The following INSC variants were observed in gnomAD, a reference collection of about 807,000 sequenced individuals.
INSC encodes protein inscuteable homolog.
A neutral mutation model predicts 58.6 loss-of-function variants in INSC; 67 were observed. The ratio of observed to expected loss-of-function variants is 1.14; its 90% CI spans 0.94 to 1.40. The LOEUF is 1.40. Ranked by LOEUF, INSC falls within the 40% of genes most tolerant of loss-of-function variation. The probability of loss-of-function intolerance (pLI) is 0.00; values close to 1 mark genes in which losing one functional copy is unlikely to be tolerated. For synonymous variants in INSC, 262 were observed against 276.1 expected, an observed-to-expected ratio of 0.95 and a Z score of 0.51; for missense variants, 714 against 692.0, an observed-to-expected ratio of 1.03 and a Z score of -0.36.
At chr11:15,193,217 A>G (rs1436803620) in intron 6 of INSC, among the ~76,000 whole-genome samples, 2 of 152,250 alleles carry the variant, frequency 1.3e-5, no homozygotes, top group Non-Finnish European at 2.9e-5. Context: ...TCCAAATTCC[A>G]AATTATTTAG....
Position 15,235,697 on chromosome 11 carries a change from T to C in INSC, c.1237+29T>C, listed in dbSNP as rs189868599. 604 of 1,575,314 alleles carry C rather than the reference T, an allele frequency of 3.8e-4. 2 individuals are homozygous for C. The highest frequency in any genetic ancestry group is 1.4e-3 in the Admixed American group (86 of 60,000). The stretch of plus-strand genomic sequence containing the variant: ...TGTCTTTGCAGCATTGTACATGTTA[T>C]GTGGATTATCTGGATGTAGGGGACT... On this transcript the variant is annotated intron_variant, in intron 10 of 12. Coordinates refer to ENST00000379556, the MANE Select transcript of INSC (RefSeq NM_001042536.3).
At chr11:15,255,188 A>C in the INSC span, among the ~76,000 whole-genome samples, 4,176 of 152,224 alleles carry the variant, frequency 0.027, 97 homozygotes, top group Non-Finnish European at 0.041. Context: ...TTTGTGTATA[A>C]ATAAGCCCAA....
intron 9 of INSC, 103 bp from the exon 10 acceptor site, chr11:15,235,499 G>A (rs185209513): frequency 6.2e-5 from 53 of 859,776 alleles, no homozygotes; most frequent in African/African-American, 4.6e-4. Context: ...AAGGAGTCAC[G>A]GGATAAAAGG....
At chr11:15,126,095 G>A (rs1402110594) in intron 1 of INSC, among the ~76,000 whole-genome samples, 1 of 152,222 alleles carries the variant, frequency 6.6e-6, no homozygotes. Context: ...GTTCACATCT[G>A]AGTTGAGAGA....
chr11:15,210,505 T>TTGTGTGTGTGTGTGTGTG (rs56375160), intron 7 of INSC, among the ~76,000 whole-genome samples: 7 of 135,466 alleles, frequency 5.2e-5, no homozygotes, highest in Non-Finnish European at 7.9e-5. Flanking sequence ...ATTTGAGAGT[T>TTGTGTGTGTGTGTGTGTG]TGTGTGTGTG....
intron 9 of INSC, among the ~76,000 whole-genome samples, chr11:15,228,537 G>C (rs1349013915): frequency 2.0e-5 from 3 of 152,200 alleles, no homozygotes; most frequent in Non-Finnish European, 4.4e-5. Context: ...AGAAACAAAT[G>C]GCTCTTTCCT....
intron 9 of INSC, among the ~76,000 whole-genome samples, chr11:15,229,944 AATATTATATATATATTTATATATAT>A (rs1163197789): frequency 5.5e-4 from 10 of 18,346 alleles, no homozygotes; most frequent in East Asian, 4.4e-3. Flanking sequence ...ATATATATAT[AATATTATATATATATTTATATATAT>A]ATATATATAT....
intron 5 of INSC, chr11:15,188,444 T>C (rs1850052554): frequency 1.5e-6 from 1 of 677,980 alleles, no homozygotes; most frequent in Non-Finnish European, 1.8e-6. Flanking sequence ...TAGGTAACCT[T>C]AGTCAAGTCT....
intron 9 of INSC, among the ~76,000 whole-genome samples, chr11:15,229,958 AT>A (rs535037536): frequency 2.8e-3 from 90 of 31,998 alleles, no homozygotes; most frequent in Middle Eastern, 0.019. Flanking sequence ...TTATATATAT[AT>A]TTATATATAT....
chr11:15,132,126 T>C (rs1848139812), intron 1 of INSC, among the ~76,000 whole-genome samples: 1 of 152,196 alleles, frequency 6.6e-6, no homozygotes, highest in Admixed American at 6.5e-5. Flanking sequence ...ATAGCATTAA[T>C]AATAATCTAA....
intron 1 of INSC, among the ~76,000 whole-genome samples, chr11:15,129,658 C>T (rs190331684): frequency 2.6e-5 from 4 of 152,274 alleles, no homozygotes; most frequent in Admixed American, 2.6e-4. Flanking sequence ...AATGACCTCT[C>T]TTCTAAATTT....
At chr11:15,114,862 C>G (rs933385797), upstream of INSC, 1 of 759,128 alleles carries the variant, frequency 1.3e-6, no homozygotes, top group Non-Finnish European at 1.5e-6. Context: ...CGGGGGAGAA[C>G]GGGGCGGGGG....
At chr11:15,180,694 C>CGGGGGGGGGGGGGGGGGGGGGGGGGG (rs756237896) in intron 5 of INSC, among the ~76,000 whole-genome samples, 1 of 41,822 alleles carries the variant, frequency 2.4e-5, no homozygotes, top group Non-Finnish European at 4.5e-5. Flanking sequence ...AGGGGGGGGG[C>CGGGGGGGGGGGGGGGGGGGGGGGGGG]GGGGGGGGGT....
chr11:15,223,468 A>T (rs1851520449), intron 8 of INSC, among the ~76,000 whole-genome samples: 1 of 152,216 alleles, frequency 6.6e-6, no homozygotes, highest in African/African-American at 2.4e-5. Context: ...ATTCCCTGGA[A>T]ACATTTATAA....
At position 15,175,852 on chromosome 11, in the gene INSC, G is replaced by C; in HGVS notation, c.168G>C (p.Glu56Asp). 1 of 1,613,816 alleles carries C rather than the reference G, an allele frequency of 6.2e-7. No individual in the cohort carries two copies. Among genetic ancestry groups the C allele is most frequent in the Non-Finnish European group, 8.5e-7 (1 of 1,179,698 alleles). ...VLQAKPISLEEDAQGDLILAG... is the reference protein window; with the variant it reads ...VLQAKPISLEDDAQGDLILAG... Reference sequence around the variant, plus strand: ...AGGCCAAGCCCATCAGCCTGGAAGAGGATGCACAGGGTGACCTCATCCTGG... The same window carrying C: ...AGGCCAAGCCCATCAGCCTGGAAGACGATGCACAGGGTGACCTCATCCTGG... Residue 56 changes from glutamate to aspartate, a missense_variant, in exon 3 of 13, where the codon GAG (glutamate) becomes GAC (aspartate). Coordinates refer to ENST00000379556, the MANE Select transcript of INSC (RefSeq NM_001042536.3).
the INSC span, among the ~76,000 whole-genome samples, chr11:15,264,681 C>G: frequency 6.6e-6 from 1 of 151,200 alleles, no homozygotes; most frequent in African/African-American, 2.4e-5. Flanking sequence ...ACAGGAAGTT[C>G]TCTGCTTTGA....
chr11:15,150,961 A>G (rs1423071676), intron 2 of INSC, among the ~76,000 whole-genome samples: 1 of 152,146 alleles, frequency 6.6e-6, no homozygotes, highest in African/African-American at 2.4e-5. Flanking sequence ...TTTTTCTTCA[A>G]CATAGTGGCA....
chr11:15,264,202 C>T, the INSC span, among the ~76,000 whole-genome samples: 1 of 126,806 alleles, frequency 7.9e-6, no homozygotes, highest in African/African-American at 3.0e-5. Context: ...GGATAGCCAT[C>T]AGATCCTGGA....
intron 5 of INSC, among the ~76,000 whole-genome samples, chr11:15,186,521 A>C (rs1849974649): frequency 6.6e-6 from 1 of 152,206 alleles, no homozygotes; most frequent in African/African-American, 2.4e-5. Flanking sequence ...AAATCAATTA[A>C]GTTTGGGGTC....
Sources: gnomAD v4.1 joint callset for allele counts (sites outside exome capture counted in the v4.1 genomes callset) on GRCh38, gnomAD v4.1.1 for gene constraint, MANE v1.5 for transcripts, NCBI Gene and HGNC (gene_info 2026-07-23, HGNC 2026-07-21) for gene names.